Variants in MYOF observed in about 807,000 individuals in gnomAD.
MYOF encodes the protein myoferlin.
Under a neutral mutation model 284.2 loss-of-function variants are expected in MYOF, and 244 were observed. The ratio of observed to expected loss-of-function variants is 0.86; its 90% CI spans 0.77 to 0.95. MYOF has a LOEUF of 0.95. Among genes scored for constraint, MYOF ranks in the 40% least tolerant of loss-of-function variants. The pLI, the probability that MYOF is intolerant of heterozygous loss-of-function variation, is 0.00. For synonymous variants in MYOF, 904 were observed against 919.7 expected (o/e 0.98, Z 0.31); for missense variants, 2,496 against 2,560.6 (o/e 0.97, Z 0.54).
chr10:93,413,242 A>T (rs1323925555), intron 5 of MYOF, among the ~76,000 whole-genome samples: 1 of 152,202 alleles, frequency 6.6e-6, no homozygotes, highest in Non-Finnish European at 1.5e-5. Context: ...TCTGCTATTC[A>T]GACTTTAGGC....
rs1842871050 is a variant in MYOF at position 93,322,215 on chromosome 10, T to C, written c.5456+863A>G. On this transcript the variant is annotated intron_variant, in intron 48 of 53. Coordinates refer to ENST00000359263, the MANE Select transcript of MYOF (RefSeq NM_013451.4). ...ACATGGGATTATAGGTGAAACTTTGTTCTCACTTTATGAATATATTAAATG... is the reference window on the plus strand; with the variant it reads ...ACATGGGATTATAGGTGAAACTTTGCTCTCACTTTATGAATATATTAAATG... Among the ~76,000 whole-genome samples the C allele has an allele frequency of 2.6e-5, 4 of 152,158 alleles. No homozygotes were observed. The South Asian group carries it at 8.3e-4, about 31-fold the overall frequency.
chr10:93,350,339 G>T (rs1322994095), intron 35 of MYOF, among the ~76,000 whole-genome samples: 1 of 151,548 alleles, frequency 6.6e-6, no homozygotes, highest in African/African-American at 2.4e-5. Context: ...TTGAGACAGA[G>T]TCTCACTCTG....
At chr10:93,468,831 T>A (rs2057069970) in intron 1 of MYOF, among the ~76,000 whole-genome samples, 2 of 152,170 alleles carry the variant, frequency 1.3e-5, no homozygotes, top group African/African-American at 4.8e-5. Flanking sequence ...GGAGTGTTTG[T>A]GAGCTGTTGT....
intron 1 of MYOF, among the ~76,000 whole-genome samples, chr10:93,480,839 G>A (rs987494732): frequency 1.7e-4 from 26 of 152,190 alleles, no homozygotes; most frequent in African/African-American, 6.3e-4. Context: ...GGTTTAAGAA[G>A]AGAAATAAAG....
chr10:93,427,416 A>T (rs1848643817), intron 4 of MYOF, among the ~76,000 whole-genome samples: 3 of 151,252 alleles, frequency 2.0e-5, no homozygotes, highest in Non-Finnish European at 4.4e-5. Context: ...CTGTAATCCC[A>T]GCTGCTCAGG....
chr10:93,342,163 A>G (rs1461955911), intron 38 of MYOF, among the ~76,000 whole-genome samples: 1 of 152,184 alleles, frequency 6.6e-6, no homozygotes, highest in East Asian at 1.9e-4. Flanking sequence ...TCACTCAGAG[A>G]CACAGCCTCC....
intron 20 of MYOF, 49 bp from the exon 21 acceptor site, chr10:93,380,036 C>A (rs781471114): frequency 6.3e-7 from 1 of 1,586,430 alleles, no homozygotes; most frequent in East Asian, 2.3e-5. Flanking sequence ...TTAAAATAGA[C>A]AGCATGTTTA....
At chr10:93,455,537 C>A (rs1458445952) in intron 2 of MYOF, among the ~76,000 whole-genome samples, 2 of 151,288 alleles carry the variant, frequency 1.3e-5, no homozygotes, top group Non-Finnish European at 2.9e-5. Context: ...GTGTGGTGCA[C>A]GCTTGTGGTC....
At chr10:93,453,851 C>A (rs1419746450) in intron 2 of MYOF, among the ~76,000 whole-genome samples, 1 of 151,904 alleles carries the variant, frequency 6.6e-6, no homozygotes, top group Non-Finnish European at 1.5e-5. Context: ...TGCCATTACA[C>A]TCTGGCCTGG....
chr10:93,310,242 T>C, intron 52 of MYOF, 75 bp from the exon 53 acceptor site: 1 of 1,525,780 alleles, frequency 6.6e-7, no homozygotes, highest in Non-Finnish European at 9.0e-7. Context: ...ATAACACAGT[T>C]TCAGGAATAA....
intron 3 of MYOF, among the ~76,000 whole-genome samples, chr10:93,432,904 A>G (rs1184911856): frequency 1.3e-5 from 2 of 152,244 alleles, no homozygotes; most frequent in Admixed American, 6.5e-5. Context: ...TATATTGAGA[A>G]TTAATACTCA....
At chr10:93,394,284 T>A (rs1281219524) in intron 16 of MYOF, among the ~76,000 whole-genome samples, 1 of 151,650 alleles carries the variant, frequency 6.6e-6, no homozygotes, top group Non-Finnish European at 1.5e-5. Flanking sequence ...GTATTTTTAG[T>A]AGAGATGGAG....
intron 1 of MYOF, among the ~76,000 whole-genome samples, chr10:93,476,454 G>A (rs983787205): frequency 1.3e-5 from 2 of 151,638 alleles, no homozygotes; most frequent in Non-Finnish European, 2.9e-5. Flanking sequence ...GTTTCACCAT[G>A]TTGGCCAGGA....
chr10:93,350,533 G>A (rs1452997103), intron 35 of MYOF, among the ~76,000 whole-genome samples: 1 of 152,016 alleles, frequency 6.6e-6, no homozygotes, highest in Non-Finnish European at 1.5e-5. Flanking sequence ...GGTTGGCCTC[G>A]AACTCCTGAC....
intron 37 of MYOF, among the ~76,000 whole-genome samples, chr10:93,344,490 G>A (rs1844081016): frequency 6.6e-6 from 1 of 151,972 alleles, no homozygotes; most frequent in Admixed American, 6.6e-5. Context: ...TTATAAGTGA[G>A]AACATACAGA....
Position 93,456,882 on chromosome 10 carries a change from C to A in MYOF, c.144G>T (p.Glu48Asp). Residue 48 changes from glutamate to aspartate, a missense_variant and splice_region_variant, in exon 2 of 54, where the codon GAG becomes GAT. By Grantham distance (45) the Glu-to-Asp change is conservative. Coordinates refer to ENST00000359263, the MANE Select transcript of MYOF (RefSeq NM_013451.4). ...VDNELNPVWNEILEFDLRGIP... is the reference protein window; with the variant it reads ...VDNELNPVWNDILEFDLRGIP... ...AAAGTTGAAAAAACAATGAAGTCAC[C>A]TCATTCCAGACAGGGTTCAATTCAT... 1 of 1,602,910 alleles carries A rather than the reference C, an allele frequency of 6.2e-7. No individual in the cohort carries two copies.
At chr10:93,450,647 T>C (rs2056564333) in intron 3 of MYOF, among the ~76,000 whole-genome samples, 1 of 152,202 alleles carries the variant, frequency 6.6e-6, no homozygotes, top group Non-Finnish European at 1.5e-5. Flanking sequence ...TATTAATCAC[T>C]GTGCTAGGAC....
chr10:93,333,898 A>G lies in MYOF; in HGVS notation c.4579T>C (p.Tyr1527His). The change falls in exon 42 of 54, where the codon TAC becomes CAC. Residue 1527 changes from tyrosine (Y) to histidine (H), a missense_variant. Tyr to His is a moderately conservative substitution (Grantham distance 83). Around this residue, in one of 3 missense-constraint regions of MYOF, gnomAD observed 2,436 missense variants for 2,480.7 expected, o/e 0.98. Coordinates refer to ENST00000359263, the MANE Select transcript of MYOF (RefSeq NM_013451.4). ...ACGCTGGGGTCATCCGGCAGAGGGT[A>G]GATCCGAAAGGAGCCCTAAAAGAGA... The part of the protein sequence containing the change: ...VGEFKGSFRI[Y>H]PLPDDPSVPA... 2 of 1,614,068 alleles carry G rather than the reference A, an allele frequency of 1.2e-6. No individual in the cohort carries two copies. Among genetic ancestry groups the G allele is most frequent in the Non-Finnish European group, 1.7e-6 (2 of 1,179,986 alleles).
At chr10:93,377,451 GA>G in intron 21 of MYOF, 22 bp from the exon 22 acceptor site, 1 of 1,510,970 alleles carries the variant, frequency 6.6e-7, no homozygotes, top group South Asian at 1.1e-5. Context: ...GAAAAGAGAG[GA>G]AATAATTGAT....
Sources: gnomAD v4.1 joint callset for allele counts (sites outside exome capture counted in the v4.1 genomes callset) on GRCh38, gnomAD v4.1.1 for gene constraint, gnomAD v4.1.1 regional missense constraint, MANE v1.5 for transcripts, NCBI Gene and HGNC (gene_info 2026-07-23, HGNC 2026-07-21) for gene names.